TEX26: variants seen among roughly 807,000 people sequenced by gnomAD.
TEX26 encodes testis-expressed protein 26.
Under a neutral mutation model 35.3 loss-of-function variants are expected in TEX26, and 34 were observed. The observed-to-expected ratio is 0.96, with a 90% CI of 0.73 to 1.28. The LOEUF (loss-of-function observed/expected upper bound fraction) is 1.28. Ranked by LOEUF, TEX26 falls within the 50% of genes most tolerant of loss-of-function variation. The pLI is 0.00. For synonymous variants in TEX26, 136 were observed against 111.8 expected, an observed-to-expected ratio of 1.22 and a Z score of -1.36; for missense variants, 371 against 330.1, an observed-to-expected ratio of 1.12 and a Z score of -0.96.
chr13:30,972,380 G>A lies in TEX26; in HGVS notation c.809-2466G>A, dbSNP rs575002227. 3.3e-5 allele frequency among the ~76,000 whole-genome samples: 5 copies of A among 152,180 alleles called. No individual in the cohort carries two copies. In the South Asian group the frequency reaches 8.3e-4, roughly 25 times the overall value. The stretch of plus-strand genomic sequence containing the variant: ...GACATTAAAATTTTACACACTCATC[G>A]TTTTTACTAATTCATGCAAAACTTG... On this transcript the variant is annotated intron_variant, in intron 6 of 6. Coordinates refer to ENST00000380473, the MANE Select transcript of TEX26 (RefSeq NM_152325.3).
In TEX26 at chr13:30,932,787, A is replaced by C. The variant is rs370606921; in HGVS notation, c.61+11A>C. ...ACAACCTCCAGCCAAGTAAGACAGC[A>C]GACTCTGCCGGTCTGCGGGGCGGGG... On this transcript the variant is annotated intron_variant, in intron 1 of 6. Transcript: ENST00000380473. 3.4e-5 allele frequency: 55 copies of C among 1,613,652 alleles called. No homozygotes were observed. The African/African-American group carries it at 6.5e-4, about 19-fold the overall frequency.
chr13:30,973,390 G>GA (rs1954775513), intron 6 of TEX26: 1 of 152,200 alleles, frequency 6.6e-6, no homozygotes, highest in Non-Finnish European at 1.5e-5. Flanking sequence ...TGTTGACTGG[G>GA]AAGGTGCATG....
At chr13:30,959,228 C>T (rs1417950204) in intron 4 of TEX26, among the ~76,000 whole-genome samples, 1 of 152,160 alleles carries the variant, frequency 6.6e-6, no homozygotes, top group Non-Finnish European at 1.5e-5. Flanking sequence ...TACTTACAGG[C>T]ATATAAAGAA....
At chr13:30,955,064 A>G (rs1030274216) in intron 3 of TEX26, among the ~76,000 whole-genome samples, 2 of 152,220 alleles carry the variant, frequency 1.3e-5, no homozygotes, top group Non-Finnish European at 2.9e-5. Context: ...CTTGTGAAAC[A>G]CCATTTATTC....
chr13:30,940,550 G>A (rs1953453760), intron 2 of TEX26, among the ~76,000 whole-genome samples: 1 of 151,774 alleles, frequency 6.6e-6, no homozygotes, highest in Non-Finnish European at 1.5e-5. Flanking sequence ...AGCCAGGACG[G>A]TCTTGATCTC....
intron 1 of TEX26, among the ~76,000 whole-genome samples, chr13:30,938,826 C>G (rs1317610791): frequency 6.6e-6 from 1 of 152,116 alleles, no homozygotes; most frequent in Non-Finnish European, 1.5e-5. Flanking sequence ...TCTTTTCAGC[C>G]CCTTCACTGG....
At chr13:30,940,726 G>C (rs1245948687) in intron 2 of TEX26, among the ~76,000 whole-genome samples, 2 of 152,136 alleles carry the variant, frequency 1.3e-5, no homozygotes, top group Non-Finnish European at 2.9e-5. Context: ...TGTCCAGTGA[G>C]AATCTTTTCA....
chr13:30,944,682 C>T (rs1953638163), intron 2 of TEX26, among the ~76,000 whole-genome samples: 1 of 151,920 alleles, frequency 6.6e-6, no homozygotes, highest in Non-Finnish European at 1.5e-5. Context: ...TAATTTCCAT[C>T]TTGATTTCAC....
intron 2 of TEX26, among the ~76,000 whole-genome samples, chr13:30,943,179 T>C (rs1189595380): frequency 6.6e-6 from 1 of 152,102 alleles, no homozygotes; most frequent in African/African-American, 2.4e-5. Flanking sequence ...TTCAGTAGTG[T>C]TTTGTAGCTC....
intron 3 of TEX26, 87 bp from the exon 4 acceptor site, chr13:30,956,786 A>T: frequency 1.6e-6 from 2 of 1,244,090 alleles, no homozygotes; most frequent in Non-Finnish European, 2.3e-6. Context: ...AGGATTCTGA[A>T]GAATATGTGC....
At chr13:30,946,945 T>A (rs1056607499) in intron 2 of TEX26, among the ~76,000 whole-genome samples, 7 of 152,134 alleles carry the variant, frequency 4.6e-5, no homozygotes, top group Admixed American at 4.6e-4. Flanking sequence ...CATTTCTTTC[T>A]CTTCTTGAAC....
At chr13:30,939,827 C>T (rs777160649) in intron 2 of TEX26, 49 bp downstream of exon 2, 5 of 1,524,084 alleles carry the variant, frequency 3.3e-6, no homozygotes, top group Non-Finnish European at 4.5e-6. Flanking sequence ...AATTTGTTGA[C>T]TTGTCTTTTA....
intron 1 of TEX26, chr13:30,936,793 T>C (rs573780935): frequency 1.0e-6 from 1 of 985,392 alleles, no homozygotes; most frequent in Non-Finnish European, 1.2e-6. Context: ...ACAGGAAAGA[T>C]GGATATGAGC....
chr13:30,939,895 G>A (rs2138181201), intron 2 of TEX26, 117 bp downstream of exon 2: 1 of 894,550 alleles, frequency 1.1e-6, no homozygotes, highest in Non-Finnish European at 1.7e-6. Context: ...AAATGCTCTT[G>A]GATACGGGCT....
chr13:30,943,423 A>G (rs1386830471), intron 2 of TEX26, among the ~76,000 whole-genome samples: 1 of 152,038 alleles, frequency 6.6e-6, no homozygotes, highest in African/African-American at 2.4e-5. Context: ...CAATATTTTG[A>G]CTTTCTCTTT....
intron 4 of TEX26, among the ~76,000 whole-genome samples, chr13:30,957,714 C>A (rs1954190772): frequency 6.6e-6 from 1 of 152,148 alleles, no homozygotes; most frequent in Admixed American, 6.5e-5. Context: ...GTGGCATGGG[C>A]ACTTCAGTCA....
chr13:30,943,361 C>T (rs1262568333), intron 2 of TEX26, among the ~76,000 whole-genome samples: 2 of 151,806 alleles, frequency 1.3e-5, no homozygotes, highest in Admixed American at 1.3e-4. Flanking sequence ...TGAGACTTTA[C>T]AGAATTCATT....
chr13:30,967,770 T>C (rs1356033919), intron 5 of TEX26, among the ~76,000 whole-genome samples: 2 of 152,238 alleles, frequency 1.3e-5, no homozygotes, highest in Non-Finnish European at 2.9e-5. Flanking sequence ...TGATAGTTTC[T>C]GGAATATTAG....
At chr13:30,940,562 T>G (rs1953454382) in intron 2 of TEX26, among the ~76,000 whole-genome samples, 2 of 151,982 alleles carry the variant, frequency 1.3e-5, no homozygotes, top group Admixed American at 6.6e-5. Flanking sequence ...CTTGATCTCC[T>G]GACCTTGTGA....
Sources: allele counts gnomAD v4.1 joint callset (sites outside exome capture counted in the v4.1 genomes callset), GRCh38; gene constraint gnomAD v4.1.1; transcripts MANE v1.5; gene names NCBI Gene and HGNC (gene_info 2026-07-23, HGNC 2026-07-21).